DNMT3A: variants seen among roughly 807,000 people sequenced by gnomAD.
DNMT3A encodes DNA methyltransferase 3 alpha.
DNMT3A carries 267 observed loss-of-function variants against 117.6 expected under a neutral mutation model. The ratio of observed to expected loss-of-function variants is 2.27; its 90% CI spans 2.05 to 2.51. The LOEUF (loss-of-function observed/expected upper bound fraction) is 2.51. DNMT3A is among the 30% of genes most tolerant of loss of function. The pLI is 0.00. For synonymous variants in DNMT3A, 432 were observed against 474.8 expected, an observed-to-expected ratio of 0.91 and a Z score of 1.17; for missense variants, 1,029 against 1,260.2, an observed-to-expected ratio of 0.82 and a Z score of 2.78.
At position 25,228,587 on chromosome 2, in the gene DNMT3A, T is replaced by C. The variant is rs1672761787; in HGVS notation, c.*5692A>G. The C allele has an allele frequency of 6.6e-6, 1 of 152,184 alleles. No individual in the cohort carries two copies. The highest frequency in any genetic ancestry group is 2.4e-5 in the African/African-American group (1 of 41,438). 9.4% of individuals were successfully genotyped at this position (152,184 alleles called of 1,614,324 possible). On this transcript the variant is annotated 3_prime_UTR_variant, in exon 23 of 23. Transcript: ENST00000321117. ...TTTCAAGTACAAAGTTAAAATGCCT[T>C]TTTAATAATAATATATCAGAGTAAA...
Position 25,240,402 on chromosome 2 carries a change from G to GC in DNMT3A, c.2221dup (p.Ala741GlyfsTer8). The GC allele has an allele frequency of 6.2e-7, 1 of 1,613,698 alleles. No individual in the cohort carries two copies. The highest frequency in any genetic ancestry group is 8.5e-7 in the Non-Finnish European group (1 of 1,179,794). On this transcript the variant is annotated frameshift_variant, in exon 19 of 23. Transcript: ENST00000321117. LOFTEE classifies it high-confidence loss of function. ...GCGATCATCTCCCTCCTTGGGCCGC[G>GC]CATCATGCAGGAGGCGGTAGAACTC...
intron 17 of DNMT3A, 131 bp downstream of exon 17, chr2:25,241,431 G>C: frequency 7.8e-7 from 1 of 1,289,174 alleles, no homozygotes; most frequent in Non-Finnish European, 1.0e-6. Context: ...AAGATAAGGA[G>C]AAAAAGAGGC....
At position 25,314,069 on chromosome 2, in the gene DNMT3A, C is replaced by T. The variant is rs530445406; in HGVS notation, c.-85G>A. On this transcript the variant is annotated 5_prime_UTR_variant, in exon 2 of 23. Coordinates refer to ENST00000321117, the MANE Select transcript of DNMT3A (RefSeq NM_022552.5). ...AAGGAATTATCGTGGTCTTTGGAGG[C>T]GAGAGTTAAAACTTAAACATAGATC... is the stretch of plus-strand genomic sequence containing the variant. The T allele has an allele frequency of 5.5e-6, 8 of 1,446,110 alleles. No homozygotes were observed. In the East Asian group the frequency reaches 7.7e-5, roughly 14 times the overall value. The allele number at this position is 1,446,110 out of a possible 1,614,324, so 89.6% of individuals were successfully genotyped here. A position where few individuals can be genotyped will look rare whatever the true frequency, so the allele number is the denominator to read the frequency against.
Position 25,243,994 on chromosome 2 carries a change from G to A in DNMT3A, c.1852-12C>T. The A allele has an allele frequency of 6.4e-7, 1 of 1,553,640 alleles. No individual in the cohort carries two copies. ...ACCTTTGGAGGGTCCTAAGCAGTGA[G>A]CACAACAGGTCAGATGCAGGCCCAG... is the stretch of plus-strand genomic sequence containing the variant. On this transcript the variant is annotated splice_polypyrimidine_tract_variant and intron_variant, in intron 15 of 22. Coordinates refer to ENST00000321117, the MANE Select transcript of DNMT3A (RefSeq NM_022552.5).
At chr2:25,291,299 G>A (rs943420563) in intron 3 of DNMT3A, among the ~76,000 whole-genome samples, 5 of 152,240 alleles carry the variant, frequency 3.3e-5, no homozygotes, top group East Asian at 3.9e-4. Context: ...GCATTGGCAC[G>A]GGGCCATGAC....
rs571990665 is a variant in DNMT3A, at chr2:25,271,773, T to C, written c.639+3168A>G. On this transcript the variant is annotated intron_variant, in intron 6 of 22. Coordinates refer to ENST00000321117, the MANE Select transcript of DNMT3A (RefSeq NM_022552.5). Reference sequence around the variant, plus strand: ...GGAGATCTCCACATTGCAAGTCAAGTGTACTAAAGTCTTTTAAATTAAATC... The same window carrying C: ...GGAGATCTCCACATTGCAAGTCAAGCGTACTAAAGTCTTTTAAATTAAATC... Among the ~76,000 whole-genome samples, 4 of 152,358 alleles carry C rather than the reference T, an allele frequency of 2.6e-5. No homozygotes were observed. In the South Asian group the frequency reaches 8.3e-4, roughly 32 times the overall value.
At position 25,254,452 on chromosome 2, in the gene DNMT3A, C is replaced by T. The variant is rs765875279; in HGVS notation, c.640-6200G>A. Reference sequence around the variant, plus strand: ...CCAACCCTGAGACCCAGAATCCATACAGCTAGGAAAAGAAGCTATTCGAAA... The same window carrying T: ...CCAACCCTGAGACCCAGAATCCATATAGCTAGGAAAAGAAGCTATTCGAAA... On this transcript the variant is annotated intron_variant, in intron 6 of 22. Coordinates refer to ENST00000321117, the MANE Select transcript of DNMT3A (RefSeq NM_022552.5). The surrounding 1 kb of genome is among the most constrained non-coding windows in gnomAD (Gnocchi z 4.7). Among the ~76,000 whole-genome samples the T allele has an allele frequency of 3.9e-5, 6 of 152,152 alleles. No homozygotes were observed. The highest frequency in any genetic ancestry group is 7.2e-5 in the African/African-American group (3 of 41,428).
intron 6 of DNMT3A, among the ~76,000 whole-genome samples, chr2:25,261,425 TGAG>T (rs1676592976): frequency 9.1e-6 from 1 of 109,972 alleles, no homozygotes; most frequent in Non-Finnish European, 1.7e-5. Context: ...GGTGACAGAG[TGAG>T]ACTCTGTCTC....
In DNMT3A at chr2:25,290,467, G is replaced by C. The variant is rs190334730; in HGVS notation, c.178-7756C>G. Among the ~76,000 whole-genome samples, 624 of 152,062 alleles carry C rather than the reference G, an allele frequency of 4.1e-3. 18 individuals carry two copies. The highest frequency in any genetic ancestry group is 1.9e-3 in the Non-Finnish European group (130 of 67,986). On this transcript the variant is annotated intron_variant, in intron 3 of 22. Coordinates refer to ENST00000321117, the MANE Select transcript of DNMT3A (RefSeq NM_022552.5). ...CCAACCAGTAGCTGGGATTACAGGC[G>C]TGTGCCACCACATCCAGCTAATTTT...
chr2:25,241,766 C>G (rs79074434), intron 16 of DNMT3A, 59 bp from the exon 17 acceptor site: 2 of 1,587,764 alleles, frequency 1.3e-6, no homozygotes, highest in Non-Finnish European at 8.6e-7. Flanking sequence ...ACCCTGGTCT[C>G]GGCAGGTGAG....
rs2033807094 is a variant in DNMT3A, at chr2:25,306,888, C to T, written c.73-6645G>A. On this transcript the variant is annotated intron_variant, in intron 2 of 22. Transcript: ENST00000321117. This position sits in a 1 kb window ranked among gnomAD's most constrained non-coding sequence, Gnocchi z 4.1. Reference sequence around the variant, plus strand: ...GAGCCCAGACTGGAGTGTGCTACTGCTCTGCCTGTGGCCACTTCCATGGCA... The same window carrying T: ...GAGCCCAGACTGGAGTGTGCTACTGTTCTGCCTGTGGCCACTTCCATGGCA... Among the ~76,000 whole-genome samples the T allele has an allele frequency of 6.6e-6, 1 of 152,232 alleles. No homozygotes were observed. The highest frequency in any genetic ancestry group is 1.5e-5 in the Non-Finnish European group (1 of 68,034).
At chr2:25,335,267 C>T (rs1460697812) in intron 1 of DNMT3A, among the ~76,000 whole-genome samples, 1 of 152,232 alleles carries the variant, frequency 6.6e-6, no homozygotes, top group East Asian at 1.9e-4. Context: ...TTATTTATCA[C>T]TTCGGGAACC....
chr2:25,281,710 C>G lies in DNMT3A; in HGVS notation c.448+731G>C. 1 of 1,065,852 alleles carries G rather than the reference C, an allele frequency of 9.4e-7. No homozygotes were observed. Among genetic ancestry groups the G allele is most frequent in the Non-Finnish European group, 1.1e-6 (1 of 879,592 alleles). The allele number at this position is 1,065,852 out of a possible 1,614,324, so 66.0% of individuals were successfully genotyped here. ...AAATGCTAGTTGTCCTCATTACTAA[C>G]ATGTTTACAGCTCGGTTGGCCCTGA... On this transcript the variant is annotated intron_variant, in intron 4 of 22. Transcript: ENST00000321117. The surrounding 1 kb of genome is among the most constrained non-coding windows in gnomAD (Gnocchi z 4.8).
At chr2:25,334,029 T>C (rs1054080528) in intron 1 of DNMT3A, among the ~76,000 whole-genome samples, 1 of 152,222 alleles carries the variant, frequency 6.6e-6, no homozygotes, top group Non-Finnish European at 1.5e-5. Context: ...GTTCTGTGCT[T>C]GCCTCCAAGT....
In DNMT3A at chr2:25,327,024, CA is replaced by C. The variant is rs1364768980; in HGVS notation, c.-177-12864del. Among the ~76,000 whole-genome samples, 1 of 152,240 alleles carries C rather than the reference CA, an allele frequency of 6.6e-6. No homozygotes were observed. Among genetic ancestry groups the C allele is most frequent in the Non-Finnish European group, 1.5e-5 (1 of 68,042 alleles). On this transcript the variant is annotated intron_variant, in intron 1 of 22. Transcript: ENST00000321117. This position sits in a 1 kb window ranked among gnomAD's most constrained non-coding sequence, Gnocchi z 4.1. ...AGCAAGTTCTGCCAACATGGCATTA[CA>C]GAGACGTTGCCATCCAGGGAGCCAT...
chr2:25,286,669 C>A lies in DNMT3A; in HGVS notation c.178-3958G>T, dbSNP rs181745015. ...CTGGGGCTCAGGGTGACCAGCAGGACAAAACCATCCAGAGGAAGGAAAAAG... is the reference window on the plus strand; with the variant it reads ...CTGGGGCTCAGGGTGACCAGCAGGAAAAAACCATCCAGAGGAAGGAAAAAG... On this transcript the variant is annotated intron_variant, in intron 3 of 22. Transcript: ENST00000321117. The surrounding 1 kb of genome is among the most constrained non-coding windows in gnomAD (Gnocchi z 4.3). Among the ~76,000 whole-genome samples, 1 of 152,340 alleles carries A rather than the reference C, an allele frequency of 6.6e-6. No homozygotes were observed. Among genetic ancestry groups the A allele is most frequent in the Admixed American group, 6.5e-5 (1 of 15,306 alleles).
rs1012850798 is a variant in DNMT3A at position 25,236,715 on chromosome 2, C to T, written c.2478+221G>A. ...TTGGTAAAGACTCCTCAGTGTCTAC[C>T]GGGGGTGATGGGCGACACTCACCAG... On this transcript the variant is annotated intron_variant, in intron 21 of 22. Coordinates refer to ENST00000321117, the MANE Select transcript of DNMT3A (RefSeq NM_022552.5). This position sits in a 1 kb window ranked among gnomAD's most constrained non-coding sequence, Gnocchi z 4.5. Among the ~76,000 whole-genome samples, 1 of 152,188 alleles carries T rather than the reference C, an allele frequency of 6.6e-6. No individual in the cohort carries two copies. The highest frequency in any genetic ancestry group is 2.4e-5 in the African/African-American group (1 of 41,446).
intron 4 of DNMT3A, among the ~76,000 whole-genome samples, chr2:25,277,642 T>G (rs1166580880): frequency 6.6e-6 from 1 of 152,230 alleles, no homozygotes; most frequent in African/African-American, 2.4e-5. Context: ...GGACCCTCCA[T>G]GGCATTTAAT....
chr2:25,240,763 T>C (rs1276180963), intron 17 of DNMT3A, 33 bp from the exon 18 acceptor site: 6 of 1,596,786 alleles, frequency 3.8e-6, no homozygotes, highest in Non-Finnish European at 5.2e-6. Flanking sequence ...ATGGGCCTGC[T>C]GTCCAGGGAC....
Sources: allele counts gnomAD v4.1 joint callset (sites outside exome capture counted in the v4.1 genomes callset), GRCh38; gene constraint gnomAD v4.1.1; non-coding constraint Gnocchi (gnomAD v3.1); transcripts MANE v1.5; gene names NCBI Gene and HGNC (gene_info 2026-07-23, HGNC 2026-07-21).